The following IBTK variants were observed in gnomAD, a reference collection of about 807,000 sequenced individuals.
IBTK encodes BTK-binding protein.
A neutral mutation model predicts 154.9 loss-of-function variants in IBTK; 83 were observed. The observed-to-expected ratio is 0.54, with a 90% CI of 0.45 to 0.64. The LOEUF is 0.64. IBTK is among the 30% of genes least tolerant of loss of function. The probability of loss-of-function intolerance (pLI) is 0.00; values close to 1 mark genes in which losing one functional copy is unlikely to be tolerated. For synonymous variants in IBTK, 515 were observed against 536.1 expected (o/e 0.96, Z 0.54); for missense variants, 1,332 against 1,584.6 (o/e 0.84, Z 2.71).
chr6:82,201,953 T>G (rs1175713854), intron 18 of IBTK, among the ~76,000 whole-genome samples: 1 of 152,140 alleles, frequency 6.6e-6, no homozygotes, highest in Non-Finnish European at 1.5e-5. Flanking sequence ...CTTGAACTCC[T>G]GACCTCAGGC....
intron 23 of IBTK, among the ~76,000 whole-genome samples, chr6:82,192,112 CAA>C (rs1392799818): frequency 2.0e-5 from 3 of 151,780 alleles, no homozygotes; most frequent in African/African-American, 4.8e-5. Context: ...AGCACATATA[CAA>C]ATAACAACTA....
At chr6:82,178,255 GCA>G (rs1768188085) in intron 26 of IBTK, among the ~76,000 whole-genome samples, 1 of 152,056 alleles carries the variant, frequency 6.6e-6, no homozygotes, top group African/African-American at 2.4e-5. Context: ...GTATAACAGG[GCA>G]CACTTATAAT....
chr6:82,233,496 A>G (rs977183214), intron 3 of IBTK, among the ~76,000 whole-genome samples: 1 of 152,148 alleles, frequency 6.6e-6, no homozygotes, highest in South Asian at 2.1e-4. Context: ...CCCATTTTAG[A>G]TTGTACTTTT....
At chr6:82,241,022 C>T (rs1434246692) in intron 1 of IBTK, among the ~76,000 whole-genome samples, 179 bp from the exon 2 acceptor site, 2 of 152,078 alleles carry the variant, frequency 1.3e-5, no homozygotes, top group Admixed American at 1.3e-4. Flanking sequence ...AAGGTCATCG[C>T]CAAGATCTGA....
Position 82,217,933 on chromosome 6 carries a change from T to C in IBTK, c.1426+27A>G, listed in dbSNP as rs763873796. On this transcript the variant is annotated intron_variant, in intron 10 of 28. Transcript: ENST00000306270. ...TTAAAGGATAATTGAAAGGTACTTTTACGTATTGTTCAATATATGAACTGA... is the reference window on the plus strand; with the variant it reads ...TTAAAGGATAATTGAAAGGTACTTTCACGTATTGTTCAATATATGAACTGA... 5 of 1,435,126 alleles carry C rather than the reference T, an allele frequency of 3.5e-6. No homozygotes were observed. In the East Asian group the frequency reaches 7.3e-5, roughly 21 times the overall value. 88.9% of individuals were successfully genotyped at this position (1,435,126 alleles called of 1,614,324 possible).
At chr6:82,206,400 AAGTAAAGTAAAGAT>A (rs11268069) in intron 16 of IBTK, among the ~76,000 whole-genome samples, 36,238 of 152,102 alleles carry the variant, frequency 0.24, 4,375 homozygotes, top group African/African-American at 0.28. Flanking sequence ...AATTAGCAAT[AAGTAAAGTAAAGAT>A]ATTGAATTAG....
intron 12 of IBTK, among the ~76,000 whole-genome samples, chr6:82,213,226 G>A (rs999878648): frequency 1.3e-4 from 19 of 151,872 alleles, no homozygotes; most frequent in African/African-American, 4.1e-4. Context: ...ACAGGGTTTC[G>A]CCATGTTGGC....
At position 82,241,885 on chromosome 6, in the gene IBTK, C is replaced by T. The variant is rs78676339; in HGVS notation, c.-357-1042G>A. Among the ~76,000 whole-genome samples, 388 of 152,252 alleles carry T rather than the reference C, an allele frequency of 2.5e-3. 4 individuals are homozygous for T. The highest frequency in any genetic ancestry group is 8.9e-3 in the African/African-American group (370 of 41,538). On this transcript the variant is annotated intron_variant, in intron 1 of 28. Transcript: ENST00000306270. ...ATGTATAGGGAAAGCTTCTATGCAT[C>T]AGAGGGAAGTATGAAATATTCTAAA...
chr6:82,238,482 G>C (rs1770818009), intron 2 of IBTK, among the ~76,000 whole-genome samples: 1 of 151,802 alleles, frequency 6.6e-6, no homozygotes. Flanking sequence ...CGGTTGCCCA[G>C]GCTGAAGTAC....
intron 25 of IBTK, chr6:82,188,906 T>C: frequency 3.7e-6 from 1 of 270,202 alleles, no homozygotes. Flanking sequence ...GGTAGGCATC[T>C]GTAATCCTAG....
chr6:82,194,378 T>C (rs1768901107), intron 23 of IBTK, 101 bp downstream of exon 23: 1 of 863,096 alleles, frequency 1.2e-6, no homozygotes, highest in Non-Finnish European at 1.6e-6. Context: ...TAGAAATTTA[T>C]ATTAATATTT....
intron 12 of IBTK, among the ~76,000 whole-genome samples, chr6:82,214,008 T>A (rs944280039): frequency 2.6e-5 from 4 of 151,882 alleles, no homozygotes; most frequent in Non-Finnish European, 5.9e-5. Flanking sequence ...CAGGCTGGAA[T>A]GCAGTGGCGC....
At position 82,246,598 on chromosome 6, in the gene IBTK, C is replaced by T. The variant is rs572043817; in HGVS notation, c.-358+964G>A. Among the ~76,000 whole-genome samples the T allele has an allele frequency of 1.3e-4, 20 of 152,178 alleles. 1 individual carries two copies. Among genetic ancestry groups the T allele is most frequent in the African/African-American group, 4.8e-4 (20 of 41,512 alleles). ...GATTACAGGCGTGAGCCACCGCGCC[C>T]GGCCTAAAAAATTTCTTGAAGTAAA... On this transcript the variant is annotated intron_variant, in intron 1 of 28. Coordinates refer to ENST00000306270, the MANE Select transcript of IBTK (RefSeq NM_015525.4).
chr6:82,190,795 T>C (rs1768736044), intron 25 of IBTK, among the ~76,000 whole-genome samples: 1 of 152,052 alleles, frequency 6.6e-6, no homozygotes, highest in South Asian at 2.1e-4. Flanking sequence ...GAAGAAATTA[T>C]ATCTATATAT....
At chr6:82,175,201 T>C (rs1768065936) in intron 26 of IBTK, among the ~76,000 whole-genome samples, 1 of 152,156 alleles carries the variant, frequency 6.6e-6, no homozygotes, top group African/African-American at 2.4e-5. Context: ...CAAAGGGTAT[T>C]TTTTTAGTAT....
rs140118272 is a variant in IBTK at position 82,214,836 on chromosome 6, A to G, written c.1602-7T>C. On this transcript the variant is annotated splice_region_variant and splice_polypyrimidine_tract_variant and intron_variant, in intron 11 of 28. Coordinates refer to ENST00000306270, the MANE Select transcript of IBTK (RefSeq NM_015525.4). ...AGCTGGAATTTCATAAAGGCTAGAA[A>G]GAAGACAAAAACAAATTATGCTTCA... is the stretch of plus-strand genomic sequence containing the variant. 2 of 1,540,690 alleles carry G rather than the reference A, an allele frequency of 1.3e-6. No homozygotes were observed. Among genetic ancestry groups the G allele is most frequent in the East Asian group, 4.5e-5 (2 of 44,036 alleles).
At chr6:82,198,447 C>T (rs1366080157) in intron 21 of IBTK, among the ~76,000 whole-genome samples, 1 of 152,038 alleles carries the variant, frequency 6.6e-6, no homozygotes, top group East Asian at 1.9e-4. Flanking sequence ...AAATTTTAGG[C>T]ATATTATCTA....
chr6:82,246,504 G>C (rs1256404297), intron 1 of IBTK, among the ~76,000 whole-genome samples: 1 of 146,782 alleles, frequency 6.8e-6, no homozygotes, highest in Non-Finnish European at 1.5e-5. Flanking sequence ...GAGTGCAGCG[G>C]CGCGATCTCG....
chr6:82,236,006 T>G (rs762476698), intron 2 of IBTK, among the ~76,000 whole-genome samples: 1 of 152,166 alleles, frequency 6.6e-6, no homozygotes, highest in Non-Finnish European at 1.5e-5. Context: ...CCCCCGTAGC[T>G]GGGATTACAG....
Sources: gnomAD v4.1 joint callset for allele counts (sites outside exome capture counted in the v4.1 genomes callset) on GRCh38, gnomAD v4.1.1 for gene constraint, MANE v1.5 for transcripts, NCBI Gene and HGNC (gene_info 2026-07-23, HGNC 2026-07-21) for gene names.